The following TRAF3IP3 variants were observed in gnomAD, a reference collection of about 807,000 sequenced individuals.
The protein encoded by TRAF3IP3 is TRAF3-interacting JNK-activating modulator.
A neutral mutation model predicts 86.5 loss-of-function variants in TRAF3IP3; 64 were observed. That is an observed-to-expected ratio of 0.74 (90% confidence interval 0.60 to 0.91). The LOEUF is 0.91. Among genes scored for constraint, TRAF3IP3 ranks in the 40% least tolerant of loss-of-function variants. The pLI is 0.00. For synonymous variants in TRAF3IP3, 220 were observed against 243.9 expected, an observed-to-expected ratio of 0.90 and a Z score of 0.91; for missense variants, 579 against 642.9, an observed-to-expected ratio of 0.90 and a Z score of 1.07.
In TRAF3IP3 at chr1:209,782,046, C is replaced by A. The variant is rs780432245; in HGVS notation, c.1564-10C>A. On this transcript the variant is annotated splice_polypyrimidine_tract_variant and intron_variant, in intron 16 of 16. Coordinates refer to ENST00000367025, the MANE Select transcript of TRAF3IP3 (RefSeq NM_025228.4). ...TGGCCACTTTCTTCTGTCTCCCTGT[C>A]CCCCTACAGAGGCAATGTGGGCGAT... 1.9e-5 allele frequency: 31 copies of A among 1,610,588 alleles called. No homozygotes were observed. The highest frequency in any genetic ancestry group is 1.6e-4 in the Middle Eastern group (1 of 6,082).
rs887700896 is a variant in TRAF3IP3, at chr1:209,763,477, T to G, written c.607-15T>G. The G allele has an allele frequency of 1.9e-6, 3 of 1,613,872 alleles. No homozygotes were observed. Among genetic ancestry groups the G allele is most frequent in the African/African-American group, 2.7e-5 (2 of 74,904 alleles). On this transcript the variant is annotated splice_polypyrimidine_tract_variant and intron_variant, in intron 7 of 16. Coordinates refer to ENST00000367025, the MANE Select transcript of TRAF3IP3 (RefSeq NM_025228.4). Reference sequence around the variant, plus strand: ...GTTAATCTTACCCTCTTGCACTTTGTGCCCGCACCCCCAGGAGGCCCTACA... The same window carrying G: ...GTTAATCTTACCCTCTTGCACTTTGGGCCCGCACCCCCAGGAGGCCCTACA...
intron 8 of TRAF3IP3, among the ~76,000 whole-genome samples, chr1:209,770,843 G>T (rs909085738): frequency 3.2e-5 from 3 of 92,980 alleles, no homozygotes; most frequent in Non-Finnish European, 7.3e-5. Context: ...ATATAGAAGT[G>T]TGTGTGTGCA....
intron 8 of TRAF3IP3, among the ~76,000 whole-genome samples, chr1:209,766,952 G>T (rs1038203669): frequency 2.6e-5 from 4 of 152,194 alleles, no homozygotes; most frequent in African/African-American, 9.6e-5. Flanking sequence ...GAGTGATGAT[G>T]AGGGAAAAAA....
Position 209,775,618 on chromosome 1 carries a change from A to T in TRAF3IP3, c.935A>T (p.Glu312Val), listed in dbSNP as rs1302742790. The stretch of plus-strand genomic sequence containing the variant: ...CCTCAGCGATCCCTGGCCCTGGCAG[A>T]GCAGAAGTGTGAAGAGTGGAGGAGC... ...QSTQRSLALA[E>V]QKCEEWRSQY... The change falls in exon 11 of 17, where the codon GAG becomes GTG. Residue 312 changes from glutamate to valine, a missense_variant. Transcript: ENST00000367025. 6.2e-7 allele frequency: 1 copy of T among 1,614,130 alleles called. No individual in the cohort carries two copies. The highest frequency in any genetic ancestry group is 8.5e-7 in the Non-Finnish European group (1 of 1,180,004).
rs553988112 is a variant in TRAF3IP3, at chr1:209,770,508, AGTAT to A, written c.703-2437_703-2434del. Among the ~76,000 whole-genome samples, 10 of 108,068 alleles carry A rather than the reference AGTAT, an allele frequency of 9.3e-5. No individual in the cohort carries two copies. The East Asian group carries it at 2.6e-3, about 28-fold the overall frequency. The allele number at this position is 108,068 out of a possible 152,430, so 70.9% of individuals were successfully genotyped here. On this transcript the variant is annotated intron_variant, in intron 8 of 16. Coordinates refer to ENST00000367025, the MANE Select transcript of TRAF3IP3 (RefSeq NM_025228.4). ...GTGGAAGTGTGCGTGTGCATGTGAA[AGTAT>A]GTGTGTGCAGGTGGAAGTGTGCGTG... is the stretch of plus-strand genomic sequence containing the variant.
intron 1 of TRAF3IP3, among the ~76,000 whole-genome samples, chr1:209,757,221 T>G (rs1045042999): frequency 7.9e-5 from 12 of 152,240 alleles, no homozygotes; most frequent in Non-Finnish European, 1.5e-4. Flanking sequence ...AGGCTCCATG[T>G]CTGCCCCAAG....
chr1:209,779,197 T>C (rs2077723834), intron 13 of TRAF3IP3, 118 bp from the exon 14 acceptor site: 3 of 752,028 alleles, frequency 4.0e-6, no homozygotes, highest in Admixed American at 5.0e-5. Context: ...GGGGACAAAA[T>C]TCAACACACA....
Position 209,760,140 on chromosome 1 carries a change from G to A in TRAF3IP3, c.101G>A (p.Arg34His), listed in dbSNP as rs138600826. 131 of 1,614,076 alleles carry A rather than the reference G, an allele frequency of 8.1e-5. No homozygotes were observed. The highest frequency in any genetic ancestry group is 1.0e-4 in the Non-Finnish European group (123 of 1,180,048). ...AGGCAAGAGATCCGTGAAAGCCGCCGCTGCCGTCCCAATGTGACCACTTGC... is the reference window on the plus strand; with the variant it reads ...AGGCAAGAGATCCGTGAAAGCCGCCACTGCCGTCCCAATGTGACCACTTGC... ...ERRQEIRESRRCRPNVTTCRQ... is the reference protein window; with the variant it reads ...ERRQEIRESRHCRPNVTTCRQ... The change falls in exon 3 of 17, where the codon CGC becomes CAC. Residue 34 changes from arginine (R) to histidine (H), a missense_variant. Physicochemically the swap from Arg to His is conservative, Grantham distance 29 (BLOSUM62 0). Transcript: ENST00000367025.
intron 8 of TRAF3IP3, among the ~76,000 whole-genome samples, chr1:209,772,634 T>C (rs779315242): frequency 6.6e-5 from 10 of 151,986 alleles, no homozygotes; most frequent in African/African-American, 1.7e-4. Flanking sequence ...GGGAGGGAGA[T>C]AGTGAGCGAA....
At chr1:209,768,599 C>A in intron 8 of TRAF3IP3, 6 of 985,870 alleles carry the variant, frequency 6.1e-6, no homozygotes, top group Non-Finnish European at 7.2e-6. Flanking sequence ...TTCTGGAGAG[C>A]AGATCAGAGG....
At chr1:209,781,918 A>T (rs2077790171) in intron 16 of TRAF3IP3, 138 bp from the exon 17 acceptor site, 1 of 649,556 alleles carries the variant, frequency 1.5e-6, no homozygotes, top group South Asian at 1.9e-5. Flanking sequence ...ACAAAATGGG[A>T]GACAGAGTAA....
At chr1:209,768,287 G>A (rs991712680) in intron 8 of TRAF3IP3, 3 of 985,346 alleles carry the variant, frequency 3.0e-6, no homozygotes, top group Non-Finnish European at 3.6e-6. Context: ...AGCTCCCTCC[G>A]CTGGCTTCAC....
intron 11 of TRAF3IP3, chr1:209,776,021 T>C: frequency 3.3e-6 from 1 of 300,238 alleles, no homozygotes; most frequent in Non-Finnish European, 6.2e-6. Flanking sequence ...ATCAGCCTAC[T>C]AATGTCATCT....
At chr1:209,773,693 T>C (rs929075570) in intron 9 of TRAF3IP3, among the ~76,000 whole-genome samples, 6 of 152,236 alleles carry the variant, frequency 3.9e-5, no homozygotes, top group Admixed American at 1.3e-4. Context: ...CCTGGCCACA[T>C]TGATGGCGTC....
intron 1 of TRAF3IP3, among the ~76,000 whole-genome samples, chr1:209,756,755 A>G (rs957398046): frequency 6.6e-6 from 1 of 152,192 alleles, no homozygotes; most frequent in Admixed American, 6.5e-5. Context: ...CATTGTCTCC[A>G]TTACAAACAT....
Position 209,763,352 on chromosome 1 carries a change from T to C in TRAF3IP3, c.577-11T>C, listed in dbSNP as rs2077282419. ...ACAGACATTTTGAATACCCTTGTTC[T>C]TTCTCTCCAGGAAATCATCCAGCTT... On this transcript the variant is annotated splice_polypyrimidine_tract_variant and intron_variant, in intron 6 of 16. Transcript: ENST00000367025. 1 of 1,613,056 alleles carries C rather than the reference T, an allele frequency of 6.2e-7. No individual in the cohort carries two copies. Among genetic ancestry groups the C allele is most frequent in the African/African-American group, 1.3e-5 (1 of 75,014 alleles).
rs766874280 is a variant in TRAF3IP3 at position 209,762,659 on chromosome 1, C to T, written c.490C>T (p.Arg164Cys). 1.3e-5 allele frequency: 17 copies of T among 1,348,562 alleles called. No individual in the cohort carries two copies. The highest frequency in any genetic ancestry group is 5.5e-5 in the East Asian group (2 of 36,660). 83.5% of individuals were successfully genotyped at this position (1,348,562 alleles called of 1,614,324 possible). ...TPIKKPPKHHRGTQTKAEGPT... is the reference protein window; with the variant it reads ...TPIKKPPKHHCGTQTKAEGPT... The stretch of plus-strand genomic sequence containing the variant: ...CATCAAGAAGCCACCCAAACACCAC[C>T]GTGGTAAGAGCAGAGCCTCCCTCAC... The change falls in exon 4 of 17, where the codon CGT (arginine) becomes TGT (cysteine). Residue 164 changes from arginine to cysteine, a missense_variant. Physicochemically the swap from Arg to Cys is radical, Grantham distance 180. Transcript: ENST00000367025.
intron 11 of TRAF3IP3, 104 bp from the exon 12 acceptor site, chr1:209,777,248 A>T: frequency 9.5e-7 from 1 of 1,057,862 alleles, no homozygotes; most frequent in African/African-American, 1.6e-5. Context: ...TTCTATCTCT[A>T]AAATTCCAGA....
At chr1:209,761,741 C>T (rs1423910705) in intron 3 of TRAF3IP3, among the ~76,000 whole-genome samples, 2 of 152,254 alleles carry the variant, frequency 1.3e-5, no homozygotes, top group Non-Finnish European at 2.9e-5. Context: ...AAACTCCTCA[C>T]TACACAGACA....
Sources: allele counts gnomAD v4.1 joint callset (sites outside exome capture counted in the v4.1 genomes callset), GRCh38; gene constraint gnomAD v4.1.1; transcripts MANE v1.5; gene names NCBI Gene and HGNC (gene_info 2026-07-23, HGNC 2026-07-21).